KIF23: variants seen among roughly 807,000 people sequenced by gnomAD.
KIF23 encodes the protein kinesin-like protein KIF23.
A neutral mutation model predicts 137.5 loss-of-function variants in KIF23; 30 were observed. That is an observed-to-expected ratio of 0.22 (90% CI 0.16 to 0.30). The LOEUF (loss-of-function observed/expected upper bound fraction) is 0.30, where lower values mean the gene tolerates loss of function less well. Ranked by LOEUF, KIF23 falls within the 10% of genes least tolerant of loss-of-function variation. The pLI is 1.00. For missense variants in KIF23, 920 were observed against 1,194.3 expected (o/e 0.77, Z 3.38); for synonymous variants, 367 against 391.1 (o/e 0.94, Z 0.73).
chr15:69,431,609 G>A (rs964234746), intron 11 of KIF23, among the ~76,000 whole-genome samples: 1 of 72,528 alleles, frequency 1.4e-5, no homozygotes, highest in Admixed American at 1.5e-4. Context: ...GCGAGACTCC[G>A]TCTCAAAAAA....
chr15:69,434,818 C>G (rs1210907753), intron 11 of KIF23: 2 of 975,194 alleles, frequency 2.1e-6, no homozygotes, highest in Admixed American at 3.9e-5. Flanking sequence ...TCATCCTGCA[C>G]GTCCCTGGCA....
chr15:69,432,953 T>A (rs2057390970), intron 11 of KIF23, among the ~76,000 whole-genome samples: 1 of 152,206 alleles, frequency 6.6e-6, no homozygotes, highest in East Asian at 1.9e-4. Context: ...TCCAGTTGGT[T>A]TGGTAAAAAG....
At chr15:69,417,320 C>G in intron 2 of KIF23, 63 bp from the exon 3 acceptor site, 1 of 1,433,240 alleles carries the variant, frequency 7.0e-7, no homozygotes, top group Non-Finnish European at 9.4e-7. Context: ...GAATGAGAAG[C>G]TTAAGTGAAA....
chr15:69,433,936 C>T (rs2057413210), intron 11 of KIF23, among the ~76,000 whole-genome samples: 2 of 152,168 alleles, frequency 1.3e-5, no homozygotes, highest in Non-Finnish European at 2.9e-5. Context: ...TGTTTTTCCA[C>T]ATTTCCCTGA....
Position 69,447,762 on chromosome 15 carries a change from C to G in KIF23, c.2910-30C>G, listed in dbSNP as rs142919044. On this transcript the variant is annotated intron_variant, in intron 23 of 23. Transcript: ENST00000679126. ...TGAATGTGTTACTAATTGCAAAGTT[C>G]AACTCTAAGTGCTGGTTGTTATGTT... The G allele has an allele frequency of 1.4e-3, 2,257 of 1,595,394 alleles. 35 individuals carry two copies. The African/African-American group carries it at 0.025, about 18-fold the overall frequency.
At chr15:69,419,436 C>G (rs2056997619) in intron 3 of KIF23, among the ~76,000 whole-genome samples, 1 of 152,226 alleles carries the variant, frequency 6.6e-6, no homozygotes, top group Non-Finnish European at 1.5e-5. Flanking sequence ...AGTATTCATC[C>G]AATCCTTTGA....
At chr15:69,416,828 G>C (rs186705029) in intron 2 of KIF23, among the ~76,000 whole-genome samples, 2 of 152,120 alleles carry the variant, frequency 1.3e-5, no homozygotes, top group African/African-American at 4.8e-5. Context: ...GGTGGTGGGT[G>C]CCTGTAATCC....
At chr15:69,427,338 A>G (rs1185038719) in intron 10 of KIF23, 3 of 454,362 alleles carry the variant, frequency 6.6e-6, no homozygotes, top group African/African-American at 2.0e-5. Flanking sequence ...GTAGGCGATG[A>G]CATTAAAACT....
intron 11 of KIF23, among the ~76,000 whole-genome samples, chr15:69,432,209 T>C (rs1320905356): frequency 5.6e-5 from 1 of 17,980 alleles, no homozygotes; most frequent in African/African-American, 2.1e-4. Flanking sequence ...AATATAGAGT[T>C]AGGGAGTGAG....
Position 69,436,671 on chromosome 15 carries a change from G to A in KIF23, c.1546G>A (p.Glu516Lys). 1.2e-6 allele frequency: 2 copies of A among 1,608,782 alleles called. No individual in the cohort carries two copies. The highest frequency in any genetic ancestry group is 1.7e-6 in the Non-Finnish European group (2 of 1,176,688). ...ACTTCCAAGGCTGATTGAAGCCTTA[G>A]AGAAACGACATAACTTACGACAAAT... Reference protein sequence around the residue: ...QTLPRLIEALEKRHNLRQMMI... With the variant: ...QTLPRLIEALKKRHNLRQMMI... Residue 516 changes from glutamate to lysine, a missense_variant, in exon 15 of 24, where the codon GAG (glutamate) becomes AAG (lysine). Glu to Lys is a moderately conservative substitution (Grantham distance 56, BLOSUM62 1). Coordinates refer to ENST00000679126, the MANE Select transcript of KIF23 (RefSeq NM_001367805.3).
At chr15:69,440,249 C>T (rs1178831570) in intron 17 of KIF23, 59 bp from the exon 18 acceptor site, 2 of 1,545,978 alleles carry the variant, frequency 1.3e-6, no homozygotes, top group African/African-American at 2.7e-5. Flanking sequence ...ATTGGGTAAT[C>T]TGGTGTACTC....
At chr15:69,434,520 C>G in intron 11 of KIF23, 1 of 766,514 alleles carries the variant, frequency 1.3e-6, no homozygotes, top group South Asian at 1.5e-5. Context: ...TGTATGCCAG[C>G]CTGGATCTCA....
Position 69,440,335 on chromosome 15 carries a change from G to A in KIF23, c.1957G>A (p.Glu653Lys). Residue 653 changes from glutamate to lysine, a missense_variant, in exon 18 of 24, where the codon GAG becomes AAG. This residue lies in a region of KIF23 where 714 missense variants were observed against 866.2 expected (regional missense o/e 0.82). Transcript: ENST00000679126. ...CERRVAAKQLEMQNKLWVKDE... is the reference protein window; with the variant it reads ...CERRVAAKQLKMQNKLWVKDE... ...GCGTAGAGTGGCAGCCAAACAGCTG[G>A]AGATGCAGAATAAACTCTGGGTTAA... 6.2e-7 allele frequency: 1 copy of A among 1,613,566 alleles called. No homozygotes were observed. Among genetic ancestry groups the A allele is most frequent in the Non-Finnish European group, 8.5e-7 (1 of 1,179,888 alleles).
intron 20 of KIF23, 35 bp from the exon 21 acceptor site, chr15:69,445,974 C>A: frequency 1.4e-6 from 2 of 1,437,266 alleles, no homozygotes; most frequent in South Asian, 1.2e-5. Context: ...TTGGGTGTAT[C>A]AATGTGTAAC....
At chr15:69,435,436 AC>A in intron 11 of KIF23, 46 bp from the exon 12 acceptor site, 1 of 1,421,042 alleles carries the variant, frequency 7.0e-7, no homozygotes, top group South Asian at 1.2e-5. Flanking sequence ...CACTTTAGCT[AC>A]TATACTGTTG....
At position 69,448,075 on chromosome 15, in the gene KIF23, T is replaced by A. The variant is rs998647633; in HGVS notation, c.*268T>A. On this transcript the variant is annotated 3_prime_UTR_variant, in exon 24 of 24. Coordinates refer to ENST00000679126, the MANE Select transcript of KIF23 (RefSeq NM_001367805.3). The stretch of plus-strand genomic sequence containing the variant: ...CTCCTTTTTTCATCACTGTATGAAT[T>A]TTTTATAATGTTTTTTTAAAATATA... 3 of 284,820 alleles carry A rather than the reference T, an allele frequency of 1.1e-5. No individual in the cohort carries two copies. The highest frequency in any genetic ancestry group is 1.0e-4 in the Admixed American group (2 of 19,494). The allele number at this position is 284,820 out of a possible 1,614,324, so 17.6% of individuals were successfully genotyped here.
chr15:69,442,323 T>C (rs1278012394), intron 19 of KIF23, among the ~76,000 whole-genome samples: 1 of 152,240 alleles, frequency 6.6e-6, no homozygotes, highest in Non-Finnish European at 1.5e-5. Context: ...TTCACTTTCA[T>C]ATTTTTCTTC....
Position 69,417,518 on chromosome 15 carries a change from C to T in KIF23, c.210+7C>T, listed in dbSNP as rs548122140. The T allele has an allele frequency of 1.9e-6, 3 of 1,606,846 alleles. No individual in the cohort carries two copies. The highest frequency in any genetic ancestry group is 3.4e-5 in the Admixed American group (2 of 58,112). ...AAATGGAGACTATAAGGAGGTAATT[C>T]TGATTTGGACCAAGTTGTTTTTACT... On this transcript the variant is annotated splice_region_variant and intron_variant, in intron 3 of 23. Transcript: ENST00000679126.
intron 18 of KIF23, 99 bp downstream of exon 18, chr15:69,440,586 C>G (rs532563614): frequency 5.7e-6 from 7 of 1,232,466 alleles, no homozygotes; most frequent in African/African-American, 1.5e-5. Flanking sequence ...ATAATACTTA[C>G]ATTTCTGAAA....
Sources: gnomAD v4.1 joint callset for allele counts (sites outside exome capture counted in the v4.1 genomes callset) on GRCh38, gnomAD v4.1.1 for gene constraint, gnomAD v4.1.1 regional missense constraint, MANE v1.5 for transcripts, NCBI Gene and HGNC (gene_info 2026-07-23, HGNC 2026-07-21) for gene names.